The following MAF variants were observed in gnomAD, a reference collection of about 807,000 sequenced individuals.
MAF encodes the protein transcription factor Maf.
In MAF, 10 loss-of-function variants were observed where a neutral mutation model predicts 22.0. The ratio of observed to expected loss-of-function variants is 0.45; its 90% CI spans 0.28 to 0.77. The LOEUF is 0.77. Ranked by LOEUF, MAF falls within the 30% of genes least tolerant of loss-of-function variation. MAF has a pLI of 0.12. For missense variants in MAF, 544 were observed against 548.4 expected (o/e 0.99, Z 0.08); for synonymous variants, 337 against 255.8 (o/e 1.32, Z -3.03).
chr16:79,276,243 G>A, the MAF span, among the ~76,000 whole-genome samples: 1 of 152,196 alleles, frequency 6.6e-6, no homozygotes, highest in Non-Finnish European at 1.5e-5. Flanking sequence ...TCTGAACAGT[G>A]TGCATTTTGA....
At chr16:79,511,690 A>T in the MAF span, among the ~76,000 whole-genome samples, 1 of 152,198 alleles carries the variant, frequency 6.6e-6, no homozygotes, top group Middle Eastern at 3.2e-3. Flanking sequence ...ACCAATCGGC[A>T]TTCAGTAGCC....
At chr16:79,471,025 C>A in the MAF span, among the ~76,000 whole-genome samples, 1 of 152,222 alleles carries the variant, frequency 6.6e-6, no homozygotes, top group African/African-American at 2.4e-5. Flanking sequence ...TCACCTCCCA[C>A]CCTAGTCTTC....
the MAF span, among the ~76,000 whole-genome samples, chr16:79,330,290 G>C: frequency 6.6e-6 from 1 of 152,194 alleles, no homozygotes; most frequent in Non-Finnish European, 1.5e-5. Flanking sequence ...GTATGTGGTA[G>C]ATATGTTAAG....
the MAF span, among the ~76,000 whole-genome samples, chr16:79,444,932 C>T: frequency 6.6e-6 from 1 of 152,138 alleles, no homozygotes; most frequent in African/African-American, 2.4e-5. Flanking sequence ...CAGATAGGAA[C>T]AGAAAGCCTG....
the MAF span, among the ~76,000 whole-genome samples, chr16:79,550,464 C>T: frequency 2.6e-5 from 4 of 152,094 alleles, no homozygotes; most frequent in African/African-American, 9.7e-5. Context: ...TTTGACTCTT[C>T]CAGTCAGTAA....
chr16:79,518,641 A>G, the MAF span, among the ~76,000 whole-genome samples: 2 of 152,264 alleles, frequency 1.3e-5, no homozygotes, highest in African/African-American at 4.8e-5. Flanking sequence ...TTTACATAGT[A>G]AAGTTATCGT....
At chr16:79,521,361 T>C in the MAF span, among the ~76,000 whole-genome samples, 1 of 152,146 alleles carries the variant, frequency 6.6e-6, no homozygotes, top group South Asian at 2.1e-4. Flanking sequence ...AAAAAAGAAA[T>C]ATAGCACATT....
At chr16:79,589,681 C>T (rs910356802), downstream of MAF, among the ~76,000 whole-genome samples, 4 of 152,170 alleles carry the variant, frequency 2.6e-5, no homozygotes, top group African/African-American at 9.7e-5. Context: ...GGCGCCCGCC[C>T]ACCCAGGAGA....
chr16:79,568,776 A>G, the MAF span, among the ~76,000 whole-genome samples: 2 of 152,218 alleles, frequency 1.3e-5, no homozygotes, highest in South Asian at 4.1e-4. Context: ...TGAACCCTTC[A>G]AGACAACCTT....
the MAF span, among the ~76,000 whole-genome samples, chr16:79,262,062 T>C: frequency 2.6e-5 from 4 of 152,140 alleles, no homozygotes; most frequent in Admixed American, 6.5e-5. Context: ...GGCAGTCACA[T>C]TCAGGGCAGA....
At chr16:79,259,755 G>A in the MAF span, among the ~76,000 whole-genome samples, 8 of 152,146 alleles carry the variant, frequency 5.3e-5, no homozygotes, top group African/African-American at 1.9e-4. Flanking sequence ...CAGTGGTGGG[G>A]ACAGACATGA....
the MAF span, among the ~76,000 whole-genome samples, chr16:79,243,171 G>C: frequency 6.6e-6 from 1 of 151,876 alleles, no homozygotes; most frequent in Non-Finnish European, 1.5e-5. Context: ...AAATTAAAAA[G>C]CTAGCAGAAA....
the MAF span, among the ~76,000 whole-genome samples, chr16:79,405,407 C>T: frequency 1.3e-5 from 2 of 152,200 alleles, no homozygotes; most frequent in Admixed American, 6.5e-5. Context: ...TGGAGAACAA[C>T]AGGCTGCATT....
At chr16:79,448,151 G>T in the MAF span, among the ~76,000 whole-genome samples, 4 of 152,240 alleles carry the variant, frequency 2.6e-5, no homozygotes, top group Non-Finnish European at 5.9e-5. Context: ...TTCTGCTGTG[G>T]GTAAAATGCT....
chr16:79,445,249 T>C, the MAF span, among the ~76,000 whole-genome samples: 21 of 151,996 alleles, frequency 1.4e-4, no homozygotes, highest in East Asian at 2.9e-3. Flanking sequence ...TTCACCATGT[T>C]AGCCAGGATG....
the MAF span, among the ~76,000 whole-genome samples, chr16:79,515,366 G>A: frequency 6.6e-6 from 1 of 152,186 alleles, no homozygotes; most frequent in Admixed American, 6.5e-5. Flanking sequence ...CACACATTCA[G>A]TAGAAACTGT....
the MAF span, among the ~76,000 whole-genome samples, chr16:79,557,702 T>C: frequency 6.6e-6 from 1 of 152,078 alleles, no homozygotes; most frequent in African/African-American, 2.4e-5. Context: ...ATGCTAGTTA[T>C]GATTCCAAAG....
At chr16:79,467,173 C>A in the MAF span, among the ~76,000 whole-genome samples, 2 of 152,190 alleles carry the variant, frequency 1.3e-5, no homozygotes, top group African/African-American at 4.8e-5. Flanking sequence ...CCAAATTCAT[C>A]ATTCCCTTCT....
the MAF span, among the ~76,000 whole-genome samples, chr16:79,535,731 G>A: frequency 2.6e-5 from 4 of 151,662 alleles, no homozygotes; most frequent in Admixed American, 6.6e-5. Flanking sequence ...CTGAGTAGCT[G>A]GGACTACAGG....
Sources: gnomAD v4.1 joint callset for allele counts (sites outside exome capture counted in the v4.1 genomes callset) on GRCh38, gnomAD v4.1.1 for gene constraint, MANE v1.5 for transcripts, NCBI Gene and HGNC (gene_info 2026-07-23, HGNC 2026-07-21) for gene names.